Variants in IDE observed in about 807,000 individuals in gnomAD.
IDE encodes the protein insulin-degrading enzyme.
IDE carries 58 observed loss-of-function variants against 133.2 expected under a neutral mutation model. The ratio of observed to expected loss-of-function variants is 0.44; its 90% CI spans 0.35 to 0.54. The LOEUF is 0.54. IDE is among the 20% of genes least tolerant of loss of function. IDE has a pLI of 0.00. For missense variants in IDE, 981 were observed against 1,234.0 expected, an observed-to-expected ratio of 0.79 and a Z score of 3.07; for synonymous variants, 396 against 421.3, an observed-to-expected ratio of 0.94 and a Z score of 0.73.
rs75746370 is a variant in IDE, at chr10:92,464,988, A to G, written c.2488+688T>C. On this transcript the variant is annotated intron_variant, in intron 20 of 24. Coordinates refer to ENST00000265986, the MANE Select transcript of IDE (RefSeq NM_004969.4). Reference sequence around the variant, plus strand: ...CCCGGCCAATAGTTTGAGCTCTTATAATAACATTTACCATGCTGTACTAAA... The same window carrying G: ...CCCGGCCAATAGTTTGAGCTCTTATGATAACATTTACCATGCTGTACTAAA... Among the ~76,000 whole-genome samples the G allele has an allele frequency of 4.9e-3, 749 of 152,252 alleles. 8 individuals carry two copies. Among genetic ancestry groups the G allele is most frequent in the African/African-American group, 0.017 (712 of 41,526 alleles).
In IDE at chr10:92,518,654, G is replaced by A. The variant is rs1849053748; in HGVS notation, c.662-3612C>T. Among the ~76,000 whole-genome samples, 5 of 152,044 alleles carry A rather than the reference G, an allele frequency of 3.3e-5. No individual in the cohort carries two copies. In the South Asian group the frequency reaches 1.0e-3, roughly 32 times the overall value. On this transcript the variant is annotated intron_variant, in intron 4 of 24. Transcript: ENST00000265986. ...CATAGTAACACTGTTTCATTAACAG[G>A]AAAATGAATAAATAGTGGTACAGTC... is the stretch of plus-strand genomic sequence containing the variant.
At position 92,509,016 on chromosome 10, in the gene IDE, A is replaced by G. The variant is rs551264767; in HGVS notation, c.898-126T>C. 31 of 690,756 alleles carry G rather than the reference A, an allele frequency of 4.5e-5. No homozygotes were observed. The Admixed American group carries it at 6.8e-4, about 15-fold the overall frequency. The allele number at this position is 690,756 out of a possible 1,614,324, so 42.8% of individuals were successfully genotyped here. On this transcript the variant is annotated intron_variant, in intron 6 of 24. Coordinates refer to ENST00000265986, the MANE Select transcript of IDE (RefSeq NM_004969.4). The stretch of plus-strand genomic sequence containing the variant: ...AAGAGCAAATCAATTGCCACAGAAA[A>G]TGATACACTGACCACAAAGAAATAA...
chr10:92,491,758 C>A (rs902773950), intron 11 of IDE, among the ~76,000 whole-genome samples: 1 of 152,158 alleles, frequency 6.6e-6, no homozygotes, highest in African/African-American at 2.4e-5. Flanking sequence ...TTACAGGTGC[C>A]TACCACCTTG....
intron 1 of IDE, among the ~76,000 whole-genome samples, chr10:92,560,985 G>T (rs1305251741): frequency 9.2e-5 from 14 of 152,098 alleles, no homozygotes. Context: ...GGGCGTGGTG[G>T]CTCACACCTG....
chr10:92,569,580 A>G (rs893355449), intron 1 of IDE, among the ~76,000 whole-genome samples: 4 of 152,170 alleles, frequency 2.6e-5, no homozygotes, highest in African/African-American at 4.8e-5. Context: ...GGTCTTGGGA[A>G]TAGGCAATGA....
chr10:92,553,723 GA>G (rs1842894404), intron 1 of IDE, among the ~76,000 whole-genome samples: 1 of 151,992 alleles, frequency 6.6e-6, no homozygotes. Context: ...CCAATAAATT[GA>G]AAAATCTAGA....
chr10:92,537,686 G>A, intron 1 of IDE, 136 bp from the exon 2 acceptor site: 3 of 619,312 alleles, frequency 4.8e-6, no homozygotes, highest in Non-Finnish European at 8.4e-6. Context: ...CCACTCTACA[G>A]GGTGCAGTCA....
chr10:92,544,594 C>T (rs1479371833), intron 1 of IDE, among the ~76,000 whole-genome samples: 2 of 152,212 alleles, frequency 1.3e-5, no homozygotes. Context: ...GTTTATTCTC[C>T]AGCTCCTGTT....
At chr10:92,519,010 C>T (rs1240111750) in intron 4 of IDE, among the ~76,000 whole-genome samples, 2 of 152,038 alleles carry the variant, frequency 1.3e-5, no homozygotes, top group African/African-American at 4.8e-5. Context: ...GTGTACCTAC[C>T]TCTTTGTATG....
chr10:92,503,719 CTT>C (rs760461540), intron 11 of IDE, among the ~76,000 whole-genome samples: 17 of 138,778 alleles, frequency 1.2e-4, no homozygotes, highest in Admixed American at 2.2e-4. Context: ...GTCAAAAAGA[CTT>C]TTTTTTTTTT....
intron 1 of IDE, 138 bp downstream of exon 1, chr10:92,573,784 C>A: frequency 1.6e-6 from 1 of 624,634 alleles, no homozygotes; most frequent in Non-Finnish European, 2.5e-6. Context: ...CGCGGCAGTA[C>A]GGGCCCCAGG....
chr10:92,526,439 AC>A (rs1849626927), intron 4 of IDE, among the ~76,000 whole-genome samples: 1 of 152,180 alleles, frequency 6.6e-6, no homozygotes, highest in South Asian at 2.1e-4. Context: ...TTTCACAGCT[AC>A]CAATCAGGTA....
intron 5 of IDE, among the ~76,000 whole-genome samples, chr10:92,510,852 A>C (rs1167963839): frequency 2.0e-5 from 3 of 150,898 alleles, no homozygotes; most frequent in Non-Finnish European, 4.4e-5. Context: ...CACATATGAT[A>C]TATATCACAT....
At chr10:92,504,706 G>C in intron 11 of IDE, 88 bp downstream of exon 11, 1 of 717,468 alleles carries the variant, frequency 1.4e-6, no homozygotes, top group South Asian at 1.6e-5. Context: ...ATGTTTAAAA[G>C]CATTTTATTC....
At chr10:92,545,345 T>C (rs774058081) in intron 1 of IDE, among the ~76,000 whole-genome samples, 7 of 152,182 alleles carry the variant, frequency 4.6e-5, no homozygotes, top group Non-Finnish European at 8.8e-5. Flanking sequence ...ATTATGTATA[T>C]AGAAAATCCC....
At chr10:92,491,356 G>A (rs1158769679) in intron 11 of IDE, among the ~76,000 whole-genome samples, 3 of 151,854 alleles carry the variant, frequency 2.0e-5, no homozygotes, top group Non-Finnish European at 2.9e-5. Flanking sequence ...TTTTAAAAAC[G>A]TGACACACAT....
intron 22 of IDE, among the ~76,000 whole-genome samples, chr10:92,458,488 C>CTTTTTTT (rs1564588151): frequency 1.7e-5 from 2 of 114,382 alleles, no homozygotes; most frequent in African/African-American, 3.2e-5. Flanking sequence ...AATACTCTCT[C>CTTTTTTT]TGTTTTTTTT....
intron 1 of IDE, among the ~76,000 whole-genome samples, chr10:92,566,081 TGCAGTG>T (rs1270546432): frequency 2.6e-5 from 4 of 151,158 alleles, no homozygotes; most frequent in Non-Finnish European, 5.9e-5. Context: ...TGTAGCCAGG[TGCAGTG>T]GCTCACGCCT....
chr10:92,557,171 T>C (rs553110879), intron 1 of IDE, among the ~76,000 whole-genome samples: 1 of 152,238 alleles, frequency 6.6e-6, no homozygotes, highest in Non-Finnish European at 1.5e-5. Flanking sequence ...AGAACAAAGC[T>C]GGAAGACTCA....
Sources: allele counts gnomAD v4.1 joint callset (sites outside exome capture counted in the v4.1 genomes callset), GRCh38; gene constraint gnomAD v4.1.1; transcripts MANE v1.5; gene names NCBI Gene and HGNC (gene_info 2026-07-23, HGNC 2026-07-21).